PTPRR: variants seen among roughly 807,000 people sequenced by gnomAD.
The protein encoded by PTPRR is protein tyrosine phosphatase receptor type R, also known as receptor-type tyrosine-protein phosphatase R.
In PTPRR, 38 loss-of-function variants were observed where a neutral mutation model predicts 77.2. The ratio of observed to expected loss-of-function variants is 0.49; its 90% CI spans 0.38 to 0.65. The LOEUF is 0.65. PTPRR is among the 30% of genes least tolerant of loss of function. PTPRR has a pLI of 0.00. For missense variants in PTPRR, 744 were observed against 799.2 expected (o/e 0.93, Z 0.83); for synonymous variants, 299 against 283.1 (o/e 1.06, Z -0.57).
chr12:70,737,446 G>A (rs1486560969), intron 6 of PTPRR, among the ~76,000 whole-genome samples: 1 of 151,954 alleles, frequency 6.6e-6, no homozygotes, highest in Non-Finnish European at 1.5e-5. Flanking sequence ...CAGAAAATGA[G>A]AGAGTTGGAT....
At chr12:70,846,593 T>A (rs1269764271) in intron 2 of PTPRR, among the ~76,000 whole-genome samples, 1 of 152,002 alleles carries the variant, frequency 6.6e-6, no homozygotes, top group Admixed American at 6.6e-5. Flanking sequence ...ATTGATTAGA[T>A]CATGAGGGCA....
At chr12:70,893,028 G>C (rs1893366520) in intron 1 of PTPRR, 51 bp from the exon 2 acceptor site, 1 of 1,556,902 alleles carries the variant, frequency 6.4e-7, no homozygotes, top group South Asian at 1.2e-5. Context: ...TTCAGTAAGA[G>C]AGGTAGATAT....
intron 10 of PTPRR, chr12:70,672,053 A>G: frequency 7.6e-7 from 1 of 1,310,238 alleles, no homozygotes; most frequent in Non-Finnish European, 1.1e-6. Context: ...GGGCCCAGAG[A>G]TGGAGAATGG....
intron 2 of PTPRR, among the ~76,000 whole-genome samples, chr12:70,795,950 G>A (rs1387261040): frequency 6.6e-5 from 5 of 75,652 alleles, no homozygotes; most frequent in African/African-American, 2.0e-4. Context: ...TTGACACAGA[G>A]TCTTGCCCTG....
intron 1 of PTPRR, among the ~76,000 whole-genome samples, chr12:70,904,778 A>T (rs1893595420): frequency 6.6e-6 from 1 of 151,900 alleles, no homozygotes; most frequent in South Asian, 2.1e-4. Context: ...TCATTGATGA[A>T]TTTATAAAAA....
chr12:70,769,813 T>C lies in PTPRR; in HGVS notation c.358-5035A>G, dbSNP rs544485228. Reference sequence around the variant, plus strand: ...CATGGTACTGGTACCAAAACAGAGATATAGATCAATGGAACAGAACAGAGA... The same window carrying C: ...CATGGTACTGGTACCAAAACAGAGACATAGATCAATGGAACAGAACAGAGA... On this transcript the variant is annotated intron_variant, in intron 2 of 13. Transcript: ENST00000283228. 2.6e-5 allele frequency among the ~76,000 whole-genome samples: 4 copies of C among 151,976 alleles called. No individual in the cohort carries two copies. The South Asian group carries it at 8.3e-4, about 32-fold the overall frequency.
intron 10 of PTPRR, chr12:70,672,292 C>T (rs1405102782): frequency 9.9e-5 from 157 of 1,590,648 alleles, no homozygotes; most frequent in Admixed American, 1.2e-4. Flanking sequence ...AGAATGTGCC[C>T]GTGCCCACGG....
intron 6 of PTPRR, among the ~76,000 whole-genome samples, chr12:70,732,537 G>C (rs1254957836): frequency 1.3e-5 from 2 of 152,162 alleles, no homozygotes; most frequent in African/African-American, 4.8e-5. Flanking sequence ...GCAAGGGCGA[G>C]GTGGTGGTGA....
chr12:70,810,256 G>C (rs1330421893), intron 2 of PTPRR, among the ~76,000 whole-genome samples: 1 of 152,186 alleles, frequency 6.6e-6, no homozygotes, highest in Non-Finnish European at 1.5e-5. Context: ...TGGTGCAGTT[G>C]AATGGGATGA....
intron 6 of PTPRR, among the ~76,000 whole-genome samples, chr12:70,739,402 T>G (rs1302710325): frequency 6.6e-6 from 1 of 152,208 alleles, no homozygotes; most frequent in Non-Finnish European, 1.5e-5. Flanking sequence ...TTAATAAGTG[T>G]CAGAGGTAGT....
intron 2 of PTPRR, among the ~76,000 whole-genome samples, chr12:70,872,388 T>G (rs973257565): frequency 4.0e-5 from 6 of 151,232 alleles, no homozygotes; most frequent in African/African-American, 1.2e-4. Context: ...AACATCCTCC[T>G]GCTTGTTTAC....
At chr12:70,865,412 G>A (rs926688352) in intron 2 of PTPRR, among the ~76,000 whole-genome samples, 2 of 150,282 alleles carry the variant, frequency 1.3e-5, no homozygotes, top group Non-Finnish European at 3.0e-5. Context: ...AAGAGGAAAG[G>A]ATGGTCACCT....
At chr12:70,831,603 A>G (rs941826623) in intron 2 of PTPRR, among the ~76,000 whole-genome samples, 1 of 152,182 alleles carries the variant, frequency 6.6e-6, no homozygotes, top group Non-Finnish European at 1.5e-5. Context: ...AAATGCTACA[A>G]AATAGAGCAG....
At chr12:70,837,402 A>G (rs752976407) in intron 2 of PTPRR, among the ~76,000 whole-genome samples, 2 of 152,114 alleles carry the variant, frequency 1.3e-5, no homozygotes, top group Admixed American at 6.6e-5. Context: ...AATTCAGTGG[A>G]TCTGAGAATA....
chr12:70,881,779 T>C (rs1177312595), intron 2 of PTPRR, among the ~76,000 whole-genome samples: 1 of 152,190 alleles, frequency 6.6e-6, no homozygotes, highest in Non-Finnish European at 1.5e-5. Flanking sequence ...CAATGATAAA[T>C]AGCTATGGTG....
chr12:70,895,371 T>C (rs1893409658), intron 1 of PTPRR, among the ~76,000 whole-genome samples: 1 of 151,558 alleles, frequency 6.6e-6, no homozygotes, highest in African/African-American at 2.4e-5. Context: ...TTTATCTAAA[T>C]AGAAAAGTCC....
At chr12:70,645,620 C>T (rs1342930429) in intron 13 of PTPRR, among the ~76,000 whole-genome samples, 1 of 152,132 alleles carries the variant, frequency 6.6e-6, no homozygotes, top group African/African-American at 2.4e-5. Flanking sequence ...GTGTTAGCCA[C>T]GTGGCTTGGA....
chr12:70,845,850 A>G (rs943236114), intron 2 of PTPRR, among the ~76,000 whole-genome samples: 4 of 152,168 alleles, frequency 2.6e-5, no homozygotes, highest in African/African-American at 9.7e-5. Flanking sequence ...GTTTTTCTAT[A>G]ATCTTCTGGA....
intron 2 of PTPRR, among the ~76,000 whole-genome samples, chr12:70,800,966 C>G (rs932245062): frequency 6.6e-6 from 1 of 151,886 alleles, no homozygotes; most frequent in Non-Finnish European, 1.5e-5. Context: ...GCACCTTCTC[C>G]CCACAAACCC....
Sources: allele counts gnomAD v4.1 joint callset (sites outside exome capture counted in the v4.1 genomes callset), GRCh38; gene constraint gnomAD v4.1.1; transcripts MANE v1.5; gene names NCBI Gene and HGNC (gene_info 2026-07-23, HGNC 2026-07-21).